MCTP2: variants seen among roughly 807,000 people sequenced by gnomAD.
The protein encoded by MCTP2 is multiple C2 and transmembrane domain-containing protein 2.
A neutral mutation model predicts 111.6 loss-of-function variants in MCTP2; 132 were observed. That is an observed-to-expected ratio of 1.18 (90% CI 1.03 to 1.37). The LOEUF (loss-of-function observed/expected upper bound fraction) is 1.37. Ranked by LOEUF, MCTP2 falls within the 40% of genes most tolerant of loss-of-function variation. The pLI is 0.00. For synonymous variants in MCTP2, 395 were observed against 387.7 expected (o/e 1.02, Z -0.22); for missense variants, 1,183 against 1,067.9 (o/e 1.11, Z -1.50).
intron 2 of MCTP2, among the ~76,000 whole-genome samples, chr15:94,309,198 G>A (rs1031590684): frequency 6.6e-6 from 1 of 152,096 alleles, no homozygotes; most frequent in African/African-American, 2.4e-5. Flanking sequence ...GTGTCCAGTT[G>A]CTGCTTCCTG....
chr15:94,475,503 T>G (rs2074278765), intron 21 of MCTP2, among the ~76,000 whole-genome samples: 1 of 152,202 alleles, frequency 6.6e-6, no homozygotes. Context: ...ACCCTTTGTG[T>G]GTTGGGGACT....
Position 94,479,295 on chromosome 15 carries a change from A to C in MCTP2, c.*261A>C, listed in dbSNP as rs969855678. 2 of 493,316 alleles carry C rather than the reference A, an allele frequency of 4.1e-6. No individual in the cohort carries two copies. Among genetic ancestry groups the C allele is most frequent in the Admixed American group, 6.5e-5 (2 of 30,994 alleles). The allele number at this position is 493,316 out of a possible 1,614,324, so 30.6% of individuals were successfully genotyped here. A position where few individuals can be genotyped will look rare whatever the true frequency, so the allele number is the denominator to read the frequency against. ...CTGTGAAAGACTAACATCCATTCTG[A>C]AATAGGAGATAACAAGGCTGCCATG... is the stretch of plus-strand genomic sequence containing the variant. On this transcript the variant is annotated 3_prime_UTR_variant, in exon 23 of 23. Coordinates refer to ENST00000357742, the MANE Select transcript of MCTP2 (RefSeq NM_001385001.1).
At chr15:94,384,268 T>C in intron 13 of MCTP2, 144 bp downstream of exon 13, 1 of 605,214 alleles carries the variant, frequency 1.7e-6, no homozygotes, top group Non-Finnish European at 2.9e-6. Context: ...CCTTTCATTT[T>C]TATAGAGTGT....
At chr15:94,318,999 G>C (rs186909611) in intron 4 of MCTP2, among the ~76,000 whole-genome samples, 268 of 149,908 alleles carry the variant, frequency 1.8e-3, no homozygotes, top group Admixed American at 2.8e-3. Context: ...TGCTGTTTCA[G>C]TCCCCATTTC....
At chr15:94,303,277 A>G (rs1260008286) in intron 2 of MCTP2, among the ~76,000 whole-genome samples, 1 of 151,616 alleles carries the variant, frequency 6.6e-6, no homozygotes, top group Non-Finnish European at 1.5e-5. Context: ...AGGTTCCAAA[A>G]CTGAAGAATT....
chr15:94,383,076 C>T (rs988949848), intron 12 of MCTP2, among the ~76,000 whole-genome samples: 1 of 152,100 alleles, frequency 6.6e-6, no homozygotes, highest in African/African-American at 2.4e-5. Context: ...GTTAAAAACT[C>T]TGACCTTTAT....
intron 1 of MCTP2, among the ~76,000 whole-genome samples, chr15:94,232,783 T>C (rs1254735431): frequency 6.6e-6 from 1 of 152,212 alleles, no homozygotes; most frequent in East Asian, 1.9e-4. Context: ...AGGGAGAATG[T>C]AAATCTTTGA....
At chr15:94,245,364 A>G (rs1285238746) in intron 1 of MCTP2, among the ~76,000 whole-genome samples, 2 of 138,316 alleles carry the variant, frequency 1.4e-5, no homozygotes, top group African/African-American at 2.6e-5. Context: ...ATGTATATAT[A>G]TTTACATACA....
intron 1 of MCTP2, among the ~76,000 whole-genome samples, chr15:94,243,394 T>TGCGTATGTACGTACATACGTATGCGTAC (rs2071254736): frequency 7.4e-6 from 1 of 135,222 alleles, no homozygotes; most frequent in Non-Finnish European, 1.6e-5. Context: ...CGTATGCGTA[T>TGCGTATGTACGTACATACGTATGCGTAC]ATGCGTATGT....
intron 3 of MCTP2, 90 bp from the exon 4 acceptor site, chr15:94,315,439 T>G (rs745465469): frequency 5.4e-6 from 5 of 920,458 alleles, no homozygotes; most frequent in Middle Eastern, 4.9e-4. Context: ...GTGGCCTTTC[T>G]TTTTTCCCTC....
intron 1 of MCTP2, among the ~76,000 whole-genome samples, chr15:94,262,197 T>G (rs2073224918): frequency 6.6e-6 from 1 of 152,196 alleles, no homozygotes; most frequent in African/African-American, 2.4e-5. Context: ...AATGAAACTT[T>G]ATAATAGTCT....
chr15:94,470,490 C>T (rs2073831688), intron 21 of MCTP2, 48 bp downstream of exon 21: 9 of 1,213,026 alleles, frequency 7.4e-6, no homozygotes, highest in Non-Finnish European at 1.1e-5. Flanking sequence ...CAGGTAAGAA[C>T]CAATTACTCA....
intron 2 of MCTP2, 60 bp downstream of exon 2, chr15:94,298,790 CTT>C: frequency 8.8e-7 from 1 of 1,141,994 alleles, no homozygotes; most frequent in Non-Finnish European, 1.2e-6. Context: ...CTTTCCCTCT[CTT>C]TCTCCCTCTC....
chr15:94,393,299 T>G lies in MCTP2; in HGVS notation c.1789-5662T>G, dbSNP rs1290998945. 6.6e-5 allele frequency among the ~76,000 whole-genome samples: 10 copies of G among 152,344 alleles called. 2 individuals carry two copies. The highest frequency in any genetic ancestry group is 5.9e-4 in the Admixed American group (9 of 15,308). ...GTCTAAGATTTATGTGAAGAAATTCTAGGACTGTACTGAAGGGCTTGAGAG... is the reference window on the plus strand; with the variant it reads ...GTCTAAGATTTATGTGAAGAAATTCGAGGACTGTACTGAAGGGCTTGAGAG... On this transcript the variant is annotated intron_variant, in intron 14 of 22. Coordinates refer to ENST00000357742, the MANE Select transcript of MCTP2 (RefSeq NM_001385001.1).
chr15:94,393,063 A>G (rs1049123970), intron 14 of MCTP2, among the ~76,000 whole-genome samples: 2 of 152,184 alleles, frequency 1.3e-5, no homozygotes, highest in Non-Finnish European at 2.9e-5. Context: ...ATATTTGCAA[A>G]TACTATCTGA....
intron 1 of MCTP2, among the ~76,000 whole-genome samples, chr15:94,251,016 G>A (rs1307705080): frequency 1.3e-5 from 2 of 152,208 alleles, no homozygotes; most frequent in East Asian, 3.8e-4. Flanking sequence ...GATAAGAGTG[G>A]CCCTTGGTTG....
At chr15:94,402,225 A>G (rs1422489933) in intron 17 of MCTP2, 6 of 907,044 alleles carry the variant, frequency 6.6e-6, no homozygotes, top group East Asian at 1.2e-4. Context: ...ACTGTTGTAT[A>G]TATATGTTTA....
chr15:94,338,869 T>C (rs1014947135), intron 4 of MCTP2, among the ~76,000 whole-genome samples: 1 of 152,222 alleles, frequency 6.6e-6, no homozygotes, highest in Non-Finnish European at 1.5e-5. Flanking sequence ...TATTTTCAAG[T>C]ATAGGATTCT....
chr15:94,248,261 C>T (rs2072158806), intron 1 of MCTP2, among the ~76,000 whole-genome samples: 1 of 152,146 alleles, frequency 6.6e-6, no homozygotes, highest in Non-Finnish European at 1.5e-5. Flanking sequence ...TACACTTGCA[C>T]CCCAAGTGTT....
Sources: gnomAD v4.1 joint callset for allele counts (sites outside exome capture counted in the v4.1 genomes callset) on GRCh38, gnomAD v4.1.1 for gene constraint, MANE v1.5 for transcripts, NCBI Gene and HGNC (gene_info 2026-07-23, HGNC 2026-07-21) for gene names.